CDK14: variants seen among roughly 807,000 people sequenced by gnomAD.
CDK14 encodes the protein cyclin dependent kinase 14.
A neutral mutation model predicts 60.7 loss-of-function variants in CDK14; 34 were observed. That is an observed-to-expected ratio of 0.56 (90% CI 0.43 to 0.75). CDK14 has a LOEUF of 0.75. CDK14 is among the 30% of genes least tolerant of loss of function. The pLI, the probability that CDK14 is intolerant of heterozygous loss-of-function variation, is 0.00. For synonymous variants in CDK14, 197 were observed against 203.7 expected, an observed-to-expected ratio of 0.97 and a Z score of 0.28; for missense variants, 482 against 564.1, an observed-to-expected ratio of 0.85 and a Z score of 1.47.
Position 90,983,507 on chromosome 7 carries a change from G to A in CDK14, c.948-641G>A, listed in dbSNP as rs577381135. On this transcript the variant is annotated intron_variant, in intron 9 of 14. Coordinates refer to ENST00000380050, the MANE Select transcript of CDK14 (RefSeq NM_001287135.2). The stretch of plus-strand genomic sequence containing the variant: ...ATCCTGGCTAACACGGTGAAACCCC[G>A]TCTCTACTAAAAATACAAAAAAATT... Among the ~76,000 whole-genome samples the A allele has an allele frequency of 2.2e-4, 34 of 151,984 alleles. No individual in the cohort carries two copies. The South Asian group carries it at 6.0e-3, about 27-fold the overall frequency.
chr7:90,856,002 A>G (rs1164219758), intron 5 of CDK14, among the ~76,000 whole-genome samples: 1 of 152,238 alleles, frequency 6.6e-6, no homozygotes, highest in Non-Finnish European at 1.5e-5. Flanking sequence ...GCAGAGCAAG[A>G]GAAGTGTGTA....
intron 14 of CDK14, among the ~76,000 whole-genome samples, chr7:91,194,025 A>G (rs893171134): frequency 6.6e-6 from 1 of 152,184 alleles, no homozygotes; most frequent in African/African-American, 2.4e-5. Context: ...GCCAATCTCT[A>G]GTATGGAGAC....
intron 2 of CDK14, among the ~76,000 whole-genome samples, chr7:90,614,538 C>A (rs920214242): frequency 2.2e-4 from 34 of 152,026 alleles, no homozygotes; most frequent in African/African-American, 7.5e-4. Flanking sequence ...ATTTTTCCAA[C>A]TTACTATTTA....
chr7:91,037,429 G>A (rs1011343561), intron 10 of CDK14, among the ~76,000 whole-genome samples: 4 of 152,032 alleles, frequency 2.6e-5, no homozygotes, highest in African/African-American at 4.8e-5. Context: ...GTGTGCGCGC[G>A]CATGTGTGTG....
chr7:91,103,865 A>AGAGG (rs1562905815), intron 12 of CDK14, among the ~76,000 whole-genome samples: 5 of 152,032 alleles, frequency 3.3e-5, no homozygotes, highest in African/African-American at 1.2e-4. Context: ...AGAGAGAGAG[A>AGAGG]GAGTGTGTAT....
rs1289673411 is a variant in CDK14, at chr7:90,649,534, A to C, written c.123+45285A>C. 2.0e-5 allele frequency among the ~76,000 whole-genome samples: 3 copies of C among 149,112 alleles called. No homozygotes were observed. In the East Asian group the frequency reaches 5.9e-4, roughly 29 times the overall value. ...ATGCAGGTTTGTTACATAGATGTAC[A>C]TGTGCCATGTTGGTTTGCTGCATCC... is the stretch of plus-strand genomic sequence containing the variant. On this transcript the variant is annotated intron_variant, in intron 2 of 14. Coordinates refer to ENST00000380050, the MANE Select transcript of CDK14 (RefSeq NM_001287135.2).
intron 12 of CDK14, among the ~76,000 whole-genome samples, chr7:91,100,477 G>A (rs940015956): frequency 6.6e-6 from 1 of 152,078 alleles, no homozygotes; most frequent in Non-Finnish European, 1.5e-5. Flanking sequence ...TTAAATAAAC[G>A]AGGGCTCTTG....
At chr7:91,002,684 G>A (rs914347808) in intron 10 of CDK14, among the ~76,000 whole-genome samples, 10 of 152,162 alleles carry the variant, frequency 6.6e-5, no homozygotes, top group Non-Finnish European at 1.5e-5. Context: ...GAGAAAGATA[G>A]GAGGCAGATA....
At chr7:90,725,399 A>G (rs1443445570) in intron 2 of CDK14, among the ~76,000 whole-genome samples, 2 of 152,166 alleles carry the variant, frequency 1.3e-5, no homozygotes, top group Non-Finnish European at 2.9e-5. Context: ...ATATCTATCC[A>G]TATACATAGC....
chr7:91,000,645 C>G (rs921331030), intron 10 of CDK14, among the ~76,000 whole-genome samples: 1 of 152,180 alleles, frequency 6.6e-6, no homozygotes, highest in Non-Finnish European at 1.5e-5. Flanking sequence ...TCAGGGCTAC[C>G]TGTGACAATA....
intron 4 of CDK14, among the ~76,000 whole-genome samples, chr7:90,785,692 C>G (rs1805546586): frequency 6.8e-6 from 1 of 146,696 alleles, no homozygotes; most frequent in Non-Finnish European, 1.5e-5. Flanking sequence ...GAGGCTGAGG[C>G]AGGAGAATGG....
At chr7:90,987,047 A>G (rs1795391782) in intron 10 of CDK14, among the ~76,000 whole-genome samples, 1 of 151,990 alleles carries the variant, frequency 6.6e-6, no homozygotes, top group Non-Finnish European at 1.5e-5. Flanking sequence ...CAACAGAACA[A>G]AAAGGTGAGT....
chr7:90,646,418 GA>G (rs1348002724), intron 2 of CDK14, among the ~76,000 whole-genome samples: 1 of 151,624 alleles, frequency 6.6e-6, no homozygotes, highest in East Asian at 1.9e-4. Flanking sequence ...CAAATTAGTT[GA>G]AAAGTAGCTA....
chr7:90,939,585 C>T (rs1408468935), intron 8 of CDK14, among the ~76,000 whole-genome samples: 2 of 152,166 alleles, frequency 1.3e-5, no homozygotes, highest in Non-Finnish European at 2.9e-5. Flanking sequence ...AGAAATGCAA[C>T]ATTCATTGCA....
chr7:90,607,768 T>C (rs1205516613), intron 2 of CDK14, among the ~76,000 whole-genome samples: 1 of 152,230 alleles, frequency 6.6e-6, no homozygotes, highest in Non-Finnish European at 1.5e-5. Context: ...ATTCTATGAA[T>C]GATCATTTTG....
chr7:91,136,820 G>A (rs1800292746), intron 14 of CDK14, among the ~76,000 whole-genome samples: 1 of 152,040 alleles, frequency 6.6e-6, no homozygotes, highest in African/African-American at 2.4e-5. Context: ...AAAAGGTAAT[G>A]AAAAATCTGT....
At chr7:90,892,775 T>TTTTTTG (rs1464175613) in intron 6 of CDK14, among the ~76,000 whole-genome samples, 4 of 151,880 alleles carry the variant, frequency 2.6e-5, no homozygotes, top group African/African-American at 4.8e-5. Context: ...GGATACTGGG[T>TTTTTTG]TTTTTGTTTT....
At chr7:90,793,858 C>T (rs1805932951) in intron 5 of CDK14, among the ~76,000 whole-genome samples, 1 of 152,106 alleles carries the variant, frequency 6.6e-6, no homozygotes, top group Non-Finnish European at 1.5e-5. Flanking sequence ...TTTTGACAAA[C>T]TGTATGGTCC....
chr7:90,949,930 G>A (rs1266499403), intron 8 of CDK14, among the ~76,000 whole-genome samples: 1 of 152,194 alleles, frequency 6.6e-6, no homozygotes, highest in African/African-American at 2.4e-5. Context: ...TTTCTGGAAA[G>A]GATACACTTC....
Sources: gnomAD v4.1 joint callset for allele counts (sites outside exome capture counted in the v4.1 genomes callset) on GRCh38, gnomAD v4.1.1 for gene constraint, MANE v1.5 for transcripts, NCBI Gene and HGNC (gene_info 2026-07-23, HGNC 2026-07-21) for gene names.